TPO: variants seen among roughly 807,000 people sequenced by gnomAD.
TPO encodes the protein thyroid microsomal antigen.
Under a neutral mutation model 96.9 loss-of-function variants are expected in TPO, and 78 were observed. That is an observed-to-expected ratio of 0.81 (90% CI 0.67 to 0.97). TPO has a LOEUF of 0.97. Ranked by LOEUF, TPO falls within the 50% of genes least tolerant of loss-of-function variation. TPO has a pLI of 0.00. For missense variants in TPO, 1,252 were observed against 1,274.8 expected (o/e 0.98, Z 0.27); for synonymous variants, 547 against 538.0 (o/e 1.02, Z -0.23).
chr2:1,415,273 G>A (rs534559128), intron 2 of TPO, among the ~76,000 whole-genome samples: 4 of 136,522 alleles, frequency 2.9e-5, no homozygotes, highest in East Asian at 4.5e-4. Context: ...ACACAGTCCC[G>A]GGGCCCCTGG....
rs187386486 is a variant in TPO at position 1,484,164 on chromosome 2, C to T, written c.1339-432C>T. On this transcript the variant is annotated intron_variant, in intron 8 of 16. Transcript: ENST00000329066. ...TGTGATTGCAACTGTAATTTTCCAT[C>T]GACAGAGCTCTCTGCCATACAACAT... is the stretch of plus-strand genomic sequence containing the variant. 2.0e-4 allele frequency among the ~76,000 whole-genome samples: 30 copies of T among 152,322 alleles called. No homozygotes were observed. The East Asian group carries it at 3.7e-3, about 19-fold the overall frequency.
At position 1,433,589 on chromosome 2, in the gene TPO, C is replaced by A; in HGVS notation, c.331C>A (p.Gln111Lys). 1 of 1,613,996 alleles carries A rather than the reference C, an allele frequency of 6.2e-7. No homozygotes were observed. Among genetic ancestry groups the A allele is most frequent in the Non-Finnish European group, 8.5e-7 (1 of 1,179,960 alleles). ...MKRKVNLKTQ[Q>K]SQHPTDALSE... ...AAGAAAAGTCAACCTGAAAACTCAA[C>A]AATCACAGCATCCAACGGGTAATGT... Residue 111 changes from glutamine (Q) to lysine (K), a missense_variant, in exon 4 of 17, where the codon CAA (glutamine) becomes AAA (lysine). Gln to Lys is a moderately conservative substitution (Grantham distance 53). Transcript: ENST00000329066.
chr2:1,422,395 G>GACTGACCTCGTGCAGGT (rs1163151839), intron 2 of TPO, among the ~76,000 whole-genome samples: 13 of 151,434 alleles, frequency 8.6e-5, no homozygotes, highest in South Asian at 4.2e-4. Flanking sequence ...CGCCGCGCTG[G>GACTGACCTCGTGCAGGT]GCCATGGGGA....
intron 11 of TPO, 140 bp from the exon 12 acceptor site, chr2:1,495,849 G>C: frequency 4.2e-6 from 4 of 943,012 alleles, no homozygotes; most frequent in South Asian, 1.5e-5. Flanking sequence ...GCCTGCACCT[G>C]TGTGGCCCCG....
rs777179599 is a variant in TPO, at chr2:1,540,599, G to A, written c.2624G>A (p.Arg875His). 5.0e-6 allele frequency: 8 copies of A among 1,613,244 alleles called. No individual in the cohort carries two copies. The highest frequency in any genetic ancestry group is 3.3e-5 in the South Asian group (3 of 91,066). The stretch of plus-strand genomic sequence containing the variant: ...TGGACACGTGTCTCCCACAGGACAC[G>A]CACTGGCACTAAATCCACACTGCCC... ...LTSTVICRWT[R>H]TGTKSTLPIS... The change falls in exon 16 of 17, where the codon CGC becomes CAC. Residue 875 changes from arginine (R) to histidine (H), a missense_variant. Coordinates refer to ENST00000329066, the MANE Select transcript of TPO (RefSeq NM_001206744.2).
At chr2:1,390,960 T>C (rs1198925732) in intron 1 of TPO, among the ~76,000 whole-genome samples, 1 of 152,180 alleles carries the variant, frequency 6.6e-6, no homozygotes, top group Non-Finnish European at 1.5e-5. Context: ...ATGGCAAAAA[T>C]TTTCTCCCAT....
intron 15 of TPO, among the ~76,000 whole-genome samples, chr2:1,527,464 G>A (rs1178796236): frequency 7.0e-6 from 1 of 142,754 alleles, no homozygotes; most frequent in African/African-American, 2.7e-5. Context: ...CCCACTGTGT[G>A]CAACCTCCTC....
intron 1 of TPO, among the ~76,000 whole-genome samples, chr2:1,378,794 A>G (rs1026414873): frequency 6.6e-6 from 1 of 152,106 alleles, no homozygotes; most frequent in Non-Finnish European, 1.5e-5. Flanking sequence ...CTGTAGGGTG[A>G]AGCTGCAGTT....
chr2:1,434,535 C>A (rs537465470), intron 4 of TPO, among the ~76,000 whole-genome samples: 1 of 152,300 alleles, frequency 6.6e-6, no homozygotes, highest in Admixed American at 6.5e-5. Flanking sequence ...AACTCTCGGT[C>A]CACTGTCCTG....
chr2:1,532,453 C>T lies in TPO; in HGVS notation c.2619-8141C>T, dbSNP rs116285553. Among the ~76,000 whole-genome samples, 1,170 of 136,474 alleles carry T rather than the reference C, an allele frequency of 8.6e-3. 34 individuals carry two copies. The highest frequency in any genetic ancestry group is 0.033 in the African/African-American group (1,117 of 33,916). The allele number at this position is 136,474 out of a possible 152,430, so 89.5% of individuals were successfully genotyped here. ...TGTGAGTAACCTCCTGCAATTGCCC[C>T]GCACTGTGCAACCTCCTCAAATCCC... On this transcript the variant is annotated intron_variant, in intron 15 of 16. Coordinates refer to ENST00000329066, the MANE Select transcript of TPO (RefSeq NM_001206744.2).
At chr2:1,468,910 C>A (rs1332242668) in intron 7 of TPO, among the ~76,000 whole-genome samples, 1 of 152,140 alleles carries the variant, frequency 6.6e-6, no homozygotes, top group Non-Finnish European at 1.5e-5. Flanking sequence ...TTTTCTTATT[C>A]TTTTTTCTTT....
At position 1,477,250 on chromosome 2, in the gene TPO, C is replaced by A; in HGVS notation, c.984C>A (p.Thr328=). 1.9e-6 allele frequency: 3 copies of A among 1,607,650 alleles called. No individual in the cohort carries two copies. The highest frequency in any genetic ancestry group is 2.5e-6 in the Non-Finnish European group (3 of 1,178,102). ...TGACCTCGTTCCTGGACGCGTCCACCGTGTATGGCAGCTCCCCGGCCCTAG... is the reference window on the plus strand; with the variant it reads ...TGACCTCGTTCCTGGACGCGTCCACAGTGTATGGCAGCTCCCCGGCCCTAG... The part of the protein sequence containing the change: ...NGLTSFLDAS[T]VYGSSPALER... The change falls in exon 8 of 17, where the codon ACC becomes ACA. Residue 328 remains threonine, a synonymous_variant. Coordinates refer to ENST00000329066, the MANE Select transcript of TPO (RefSeq NM_001206744.2).
At chr2:1,402,522 C>G (rs933968827) in intron 1 of TPO, among the ~76,000 whole-genome samples, 2 of 152,088 alleles carry the variant, frequency 1.3e-5, no homozygotes, top group African/African-American at 4.8e-5. Flanking sequence ...AAGACATACC[C>G]GAGACTGGTC....
At chr2:1,538,557 T>C (rs534831284) in intron 15 of TPO, among the ~76,000 whole-genome samples, 11 of 152,338 alleles carry the variant, frequency 7.2e-5, no homozygotes, top group African/African-American at 2.4e-4. Flanking sequence ...GAACAGTGAA[T>C]GCCAATTATT....
At chr2:1,385,104 A>G (rs562356558) in intron 1 of TPO, among the ~76,000 whole-genome samples, 1 of 152,304 alleles carries the variant, frequency 6.6e-6, no homozygotes, top group African/African-American at 2.4e-5. Context: ...TGCTGGATTC[A>G]GTTTGCCAGT....
At chr2:1,484,095 A>C (rs1314457471) in intron 8 of TPO, among the ~76,000 whole-genome samples, 1 of 152,252 alleles carries the variant, frequency 6.6e-6, no homozygotes, top group Non-Finnish European at 1.5e-5. Flanking sequence ...ATCTTGGTAC[A>C]TAATTCTCCT....
upstream of TPO, chr2:1,374,136 C>T (rs569537463): frequency 5.2e-5 from 8 of 152,384 alleles, no homozygotes; most frequent in East Asian, 5.8e-4. Flanking sequence ...TGGATGAAGC[C>T]CTCAGCCATG....
At chr2:1,379,648 C>T (rs1242008728) in intron 1 of TPO, among the ~76,000 whole-genome samples, 2 of 152,168 alleles carry the variant, frequency 1.3e-5, no homozygotes, top group Non-Finnish European at 2.9e-5. Context: ...CTTCCATCTT[C>T]CCTGGCACTT....
intron 14 of TPO, among the ~76,000 whole-genome samples, chr2:1,506,093 G>A (rs1374381425): frequency 6.6e-6 from 1 of 151,404 alleles, no homozygotes; most frequent in Non-Finnish European, 1.5e-5. Context: ...GTGTCCATGT[G>A]TTCTCATTGT....
Sources: gnomAD v4.1 joint callset for allele counts (sites outside exome capture counted in the v4.1 genomes callset) on GRCh38, gnomAD v4.1.1 for gene constraint, MANE v1.5 for transcripts, NCBI Gene and HGNC (gene_info 2026-07-23, HGNC 2026-07-21) for gene names.